The following NEDD9 variants were observed in gnomAD, a reference collection of about 807,000 sequenced individuals.
The protein encoded by NEDD9 is neural precursor cell expressed, developmentally down-regulated 9.
Under a neutral mutation model 76.6 loss-of-function variants are expected in NEDD9, and 26 were observed. The observed-to-expected ratio is 0.34, with a 90% confidence interval of 0.25 to 0.47. The LOEUF is 0.47. NEDD9 is among the 20% of genes least tolerant of loss of function. The pLI is 1.00. For synonymous variants in NEDD9, 392 were observed against 414.2 expected (o/e 0.95, Z 0.65); for missense variants, 937 against 1,058.5 (o/e 0.89, Z 1.59).
intron 1 of NEDD9, among the ~76,000 whole-genome samples, chr6:11,371,744 C>T (rs768062652): frequency 6.6e-6 from 1 of 152,216 alleles, no homozygotes; most frequent in African/African-American, 2.4e-5. Context: ...CTACACATCC[C>T]TGTGTCCTCC....
chr6:11,217,599 A>C (rs1758993891), intron 1 of NEDD9, among the ~76,000 whole-genome samples: 1 of 152,244 alleles, frequency 6.6e-6, no homozygotes, highest in East Asian at 1.9e-4. Flanking sequence ...AAGGAACTTT[A>C]AACAATTACC....
intron 1 of NEDD9, among the ~76,000 whole-genome samples, chr6:11,376,099 C>T (rs904947595): frequency 2.0e-5 from 3 of 152,352 alleles, no homozygotes; most frequent in Admixed American, 2.0e-4. Flanking sequence ...GCTGGGATTA[C>T]TGGCGTGAGC....
At chr6:11,327,563 T>C (rs975556015) in intron 2 of NEDD9, among the ~76,000 whole-genome samples, 6 of 152,236 alleles carry the variant, frequency 3.9e-5, no homozygotes, top group African/African-American at 1.4e-4. Context: ...CGTTACTCGA[T>C]GATCTGTTGG....
At position 11,241,167 on chromosome 6, in the gene NEDD9, C is replaced by T. The variant is rs745657828; in HGVS notation, c.13-27440G>A. Among the ~76,000 whole-genome samples the T allele has an allele frequency of 4.6e-5, 7 of 152,146 alleles. No individual in the cohort carries two copies. The highest frequency in any genetic ancestry group is 1.0e-4 in the Non-Finnish European group (7 of 68,030). ...CTCTCATGGCTGAAATGAGAGTGGC[C>T]GTCTCCTCTTTCCGGAGGCACTGCC... is the stretch of plus-strand genomic sequence containing the variant. On this transcript the variant is annotated intron_variant, in intron 3 of 3. Transcript: ENST00000397378. The surrounding 1 kb of genome is among the most constrained non-coding windows in gnomAD (Gnocchi z 4.0).
chr6:11,232,241 A>T (rs1292718224), intron 1 of NEDD9, among the ~76,000 whole-genome samples: 5 of 152,154 alleles, frequency 3.3e-5, no homozygotes, highest in Non-Finnish European at 7.4e-5. Flanking sequence ...AAGCGGCTCC[A>T]AGTCTTAACT....
chr6:11,379,676 A>G (rs1010780106), intron 1 of NEDD9, among the ~76,000 whole-genome samples: 1 of 152,150 alleles, frequency 6.6e-6, no homozygotes, highest in South Asian at 2.1e-4. Context: ...TAAAAAAAAA[A>G]CAGGCCGTTG....
At chr6:11,340,066 C>T (rs779141693) in intron 1 of NEDD9, among the ~76,000 whole-genome samples, 1 of 152,180 alleles carries the variant, frequency 6.6e-6, no homozygotes, top group Non-Finnish European at 1.5e-5. Flanking sequence ...CTTCCCTTTC[C>T]ACAGTCTCTG....
At chr6:11,187,944 C>T (rs1285535010) in intron 6 of NEDD9, among the ~76,000 whole-genome samples, 2 of 152,208 alleles carry the variant, frequency 1.3e-5, no homozygotes, top group African/African-American at 4.8e-5. Flanking sequence ...TTTCTTGAGA[C>T]CAAATGCCTT....
rs1757920861 is a variant in NEDD9, at chr6:11,184,236, A to G, written c.*926T>C. 1 of 152,234 alleles carries G rather than the reference A, an allele frequency of 6.6e-6. No individual in the cohort carries two copies. Among genetic ancestry groups the G allele is most frequent in the Non-Finnish European group, 1.5e-5 (1 of 68,046 alleles). 9.4% of individuals were successfully genotyped at this position (152,234 alleles called of 1,614,324 possible). On this transcript the variant is annotated 3_prime_UTR_variant, in exon 7 of 7. Transcript: ENST00000379446. ...CACCAAAGTGAATATTAAGAGTCAG[A>G]AAGGCCTCTACTTGCAACTGGCGGA...
intron 3 of NEDD9, among the ~76,000 whole-genome samples, chr6:11,281,700 T>C (rs189015221): frequency 6.4e-4 from 98 of 152,246 alleles, no homozygotes; most frequent in Non-Finnish European, 1.2e-3. Context: ...GTCCTTGATA[T>C]GTTTGAGCCA....
intron 3 of NEDD9, among the ~76,000 whole-genome samples, chr6:11,287,203 G>A (rs1760668305): frequency 6.6e-6 from 1 of 152,212 alleles, no homozygotes; most frequent in South Asian, 2.1e-4. Flanking sequence ...CAGGCAGGCG[G>A]ATCCACTTGA....
chr6:11,191,231 G>A, intron 4 of NEDD9, 26 bp from the exon 5 acceptor site: 1 of 1,545,534 alleles, frequency 6.5e-7, no homozygotes, highest in Non-Finnish European at 8.7e-7. Context: ...AAAGCGAAAT[G>A]CTATTTATTG....
At chr6:11,317,060 CAG>C (rs1489745687) in intron 2 of NEDD9, among the ~76,000 whole-genome samples, 19 of 152,120 alleles carry the variant, frequency 1.2e-4, no homozygotes, top group African/African-American at 4.6e-4. Flanking sequence ...ATGTTGAAGA[CAG>C]AGATTTTATA....
chr6:11,251,899 T>C (rs1323860128), intron 3 of NEDD9, among the ~76,000 whole-genome samples: 1 of 152,206 alleles, frequency 6.6e-6, no homozygotes, highest in Non-Finnish European at 1.5e-5. Flanking sequence ...CTGGGGATTC[T>C]GTGCTGCTTC....
intron 3 of NEDD9, among the ~76,000 whole-genome samples, chr6:11,297,911 C>CT (rs3067297): frequency 0.34 from 47,617 of 140,464 alleles, 8,518 homozygotes; most frequent in East Asian, 0.63. Flanking sequence ...TTTTTCTTTT[C>CT]TTTTTTTTTT....
intron 3 of NEDD9, among the ~76,000 whole-genome samples, chr6:11,263,465 A>C: frequency 6.6e-6 from 1 of 152,138 alleles, no homozygotes; most frequent in East Asian, 1.9e-4. Context: ...GTGGAAAAAA[A>C]CCCTCCCAGG....
chr6:11,340,147 G>A (rs910501346), intron 1 of NEDD9, among the ~76,000 whole-genome samples: 1 of 152,174 alleles, frequency 6.6e-6, no homozygotes, highest in Non-Finnish European at 1.5e-5. Flanking sequence ...CAGCCTGAAT[G>A]AATAACGCCT....
chr6:11,242,358 G>A (rs775833251), intron 3 of NEDD9, among the ~76,000 whole-genome samples: 18 of 152,186 alleles, frequency 1.2e-4, no homozygotes, highest in Non-Finnish European at 2.6e-4. Flanking sequence ...AGACAAGGGA[G>A]TGTTGCAAGG....
intron 2 of NEDD9, among the ~76,000 whole-genome samples, chr6:11,202,868 A>G (rs1758492966): frequency 6.6e-6 from 1 of 152,210 alleles, no homozygotes; most frequent in African/African-American, 2.4e-5. Context: ...TGCTAGCCAC[A>G]TCTAAATCAC....
Sources: allele counts gnomAD v4.1 joint callset (sites outside exome capture counted in the v4.1 genomes callset), GRCh38; gene constraint gnomAD v4.1.1; non-coding constraint Gnocchi (gnomAD v3.1); transcripts MANE v1.5; gene names NCBI Gene and HGNC (gene_info 2026-07-23, HGNC 2026-07-21).